The following RGSL1 variants were observed in gnomAD, a reference collection of about 807,000 sequenced individuals.
RGSL1 encodes the protein regulator of G protein signaling protein-like.
In RGSL1, 97 loss-of-function variants were observed where a neutral mutation model predicts 124.7. The observed-to-expected ratio is 0.78, with a 90% CI of 0.66 to 0.92. RGSL1 has a LOEUF of 0.92. Among genes scored for constraint, RGSL1 ranks in the 40% least tolerant of loss-of-function variants. The pLI, the probability that RGSL1 is intolerant of heterozygous loss-of-function variation, is 0.00. For missense variants in RGSL1, 1,233 were observed against 1,288.4 expected, an observed-to-expected ratio of 0.96 and a Z score of 0.66; for synonymous variants, 424 against 438.1, an observed-to-expected ratio of 0.97 and a Z score of 0.40.
chr1:182,471,580 C>G (rs73057372), intron 4 of RGSL1, among the ~76,000 whole-genome samples: 1 of 152,248 alleles, frequency 6.6e-6, no homozygotes, highest in South Asian at 2.1e-4. Flanking sequence ...CCCTTTTACT[C>G]GTTTATTCAT....
At chr1:182,544,473 G>T (rs1221203680) in intron 15 of RGSL1, among the ~76,000 whole-genome samples, 1 of 152,046 alleles carries the variant, frequency 6.6e-6, no homozygotes, top group African/African-American at 2.4e-5. Context: ...TGTAGCAGTT[G>T]GGTGAAATGT....
At chr1:182,471,813 G>C (rs1653867096) in intron 4 of RGSL1, among the ~76,000 whole-genome samples, 1 of 152,152 alleles carries the variant, frequency 6.6e-6, no homozygotes, top group Admixed American at 6.5e-5. Context: ...TGGGAGGCTG[G>C]TAGCTGGCCC....
chr1:182,533,442 C>A (rs1420977098), intron 14 of RGSL1, among the ~76,000 whole-genome samples: 3 of 150,112 alleles, frequency 2.0e-5, no homozygotes, highest in Admixed American at 6.6e-5. Flanking sequence ...TCATTTAACA[C>A]ACGTTTTGAG....
Position 182,515,387 on chromosome 1 carries a change from G to A in RGSL1, c.1826-6617G>A, listed in dbSNP as rs141175528. 2.6e-4 allele frequency among the ~76,000 whole-genome samples: 39 copies of A among 151,796 alleles called. No homozygotes were observed. The East Asian group carries it at 4.8e-3, about 19-fold the overall frequency. On this transcript the variant is annotated intron_variant, in intron 9 of 21. Coordinates refer to ENST00000294854, the MANE Select transcript of RGSL1 (RefSeq NM_001137669.2). The stretch of plus-strand genomic sequence containing the variant: ...GCCTGGAGCCTGGAATCGAGTTTGG[G>A]ACAAAAAAAGTATTTCAGAGGCTGC...
At chr1:182,543,050 C>G (rs1249552870) in intron 15 of RGSL1, among the ~76,000 whole-genome samples, 2 of 152,100 alleles carry the variant, frequency 1.3e-5, no homozygotes, top group Non-Finnish European at 2.9e-5. Context: ...ATTTCTTTCT[C>G]TTGCCTAATT....
At chr1:182,529,559 T>C (rs2102264878) in intron 11 of RGSL1, among the ~76,000 whole-genome samples, 1 of 152,314 alleles carries the variant, frequency 6.6e-6, no homozygotes, top group South Asian at 2.1e-4. Context: ...TGCAAAGTAA[T>C]GAAGATAGAG....
At chr1:182,468,608 G>T (rs1055807771) in intron 4 of RGSL1, among the ~76,000 whole-genome samples, 1 of 152,042 alleles carries the variant, frequency 6.6e-6, no homozygotes, top group Non-Finnish European at 1.5e-5. Flanking sequence ...CACACCCTGG[G>T]GCCTGTTGTA....
At chr1:182,529,035 C>A (rs190853186) in intron 11 of RGSL1, among the ~76,000 whole-genome samples, 2 of 152,228 alleles carry the variant, frequency 1.3e-5, no homozygotes, top group African/African-American at 4.8e-5. Context: ...TCCCGTGATT[C>A]AATTATCTCC....
chr1:182,527,706 GA>G lies in RGSL1; in HGVS notation c.2063del (p.Lys688ArgfsTer7), dbSNP rs1658855474. The G allele has an allele frequency of 1.3e-6, 2 of 1,551,040 alleles. No homozygotes were observed. Among genetic ancestry groups the G allele is most frequent in the South Asian group, 2.4e-5 (2 of 83,984 alleles). ...AVQKISIETN[E>X]KICKSLIENV... Reference sequence around the variant, plus strand: ...ACAGAAGATCAGTATAGAGACCAATGAAAAGATTTGCAAGTCTCTCATAGAA... The same window carrying G: ...ACAGAAGATCAGTATAGAGACCAATGAAAGATTTGCAAGTCTCTCATAGAA... On this transcript the variant is annotated frameshift_variant, in exon 11 of 22. Coordinates refer to ENST00000294854, the MANE Select transcript of RGSL1 (RefSeq NM_001137669.2). LOFTEE classifies it high-confidence loss of function.
chr1:182,538,506 C>T (rs1659688857), intron 14 of RGSL1, among the ~76,000 whole-genome samples: 1 of 149,970 alleles, frequency 6.7e-6, no homozygotes, highest in African/African-American at 2.5e-5. Flanking sequence ...CCAGCCTGGA[C>T]AACAGAGTGA....
At chr1:182,460,737 A>G in intron 4 of RGSL1, 1 of 456,014 alleles carries the variant, frequency 2.2e-6, no homozygotes, top group South Asian at 1.5e-5. Flanking sequence ...CAACAATTGT[A>G]CTGGCAGAAT....
chr1:182,519,800 C>G (rs1232857670), intron 9 of RGSL1, among the ~76,000 whole-genome samples: 1 of 151,992 alleles, frequency 6.6e-6, no homozygotes, highest in Non-Finnish European at 1.5e-5. Context: ...CATCTAACTC[C>G]TAGTTCAACA....
At chr1:182,471,842 A>G (rs548089242) in intron 4 of RGSL1, among the ~76,000 whole-genome samples, 1 of 152,308 alleles carries the variant, frequency 6.6e-6, no homozygotes, top group Non-Finnish European at 1.5e-5. Flanking sequence ...ACTCCAGCTC[A>G]ACAACATTAA....
At chr1:182,530,155 TA>T in intron 11 of RGSL1, 88 bp from the exon 12 acceptor site, 1 of 939,944 alleles carries the variant, frequency 1.1e-6, no homozygotes, top group Non-Finnish European at 1.6e-6. Flanking sequence ...TGTGAGACTC[TA>T]AGATAAAAAA....
Position 182,458,381 on chromosome 1 carries a change from A to G in RGSL1, c.159A>G (p.Ile53Met). Residue 53 changes from isoleucine (I) to methionine (M), a missense_variant, in exon 3 of 22, where the codon ATA becomes ATG. Ile to Met is a conservative substitution (Grantham distance 10). Coordinates refer to ENST00000294854, the MANE Select transcript of RGSL1 (RefSeq NM_001137669.2). ...CACAGTGGAGCTTGTGGCCAGAAATACCTTGTAACTTGGTGAGTAAAATTC... is the reference window on the plus strand; with the variant it reads ...CACAGTGGAGCTTGTGGCCAGAAATGCCTTGTAACTTGGTGAGTAAAATTC... ...ENSQWSLWPE[I>M]PCNLIAKYKG... is the part of the protein sequence containing the mutation. 1 of 1,551,944 alleles carries G rather than the reference A, an allele frequency of 6.4e-7. No homozygotes were observed. Among genetic ancestry groups the G allele is most frequent in the Middle Eastern group, 1.7e-4 (1 of 5,998 alleles).
intron 10 of RGSL1, among the ~76,000 whole-genome samples, chr1:182,524,762 TAGTA>T (rs1340593074): frequency 2.0e-5 from 3 of 152,168 alleles, no homozygotes; most frequent in African/African-American, 7.2e-5. Context: ...TCAAAACCGA[TAGTA>T]AGCCTTGTGG....
intron 1 of RGSL1, 180 bp downstream of exon 1, chr1:182,450,358 C>T: frequency 1.4e-6 from 1 of 712,516 alleles, no homozygotes; most frequent in South Asian, 1.7e-5. Context: ...CCTTCTGCCA[C>T]CAGATCTTTG....
chr1:182,478,512 G>A (rs1654464654), intron 6 of RGSL1, among the ~76,000 whole-genome samples: 1 of 152,000 alleles, frequency 6.6e-6, no homozygotes, highest in Non-Finnish European at 1.5e-5. Flanking sequence ...TATGTTTTAA[G>A]CAGAAGAAAG....
intron 15 of RGSL1, among the ~76,000 whole-genome samples, chr1:182,547,835 T>C (rs1246089821): frequency 1.3e-5 from 2 of 152,050 alleles, no homozygotes; most frequent in Non-Finnish European, 2.9e-5. Context: ...CACTCCAGCC[T>C]GGGATACAGA....
Sources: gnomAD v4.1 joint callset for allele counts (sites outside exome capture counted in the v4.1 genomes callset) on GRCh38, gnomAD v4.1.1 for gene constraint, MANE v1.5 for transcripts, NCBI Gene and HGNC (gene_info 2026-07-23, HGNC 2026-07-21) for gene names.